The following MYO16 variants were observed in gnomAD, a reference collection of about 807,000 sequenced individuals.
The protein encoded by MYO16 is unconventional myosin-XVI.
MYO16 carries 94 observed loss-of-function variants against 205.3 expected under a neutral mutation model. That is an observed-to-expected ratio of 0.46 (90% CI 0.39 to 0.54). MYO16 has a LOEUF of 0.54. Ranked by LOEUF, MYO16 falls within the 20% of genes least tolerant of loss-of-function variation. The pLI, the probability that MYO16 is intolerant of heterozygous loss-of-function variation, is 0.00. For missense variants in MYO16, 2,315 were observed against 2,387.5 expected (o/e 0.97, Z 0.63); for synonymous variants, 988 against 954.0 (o/e 1.04, Z -0.66).
chr13:108,653,404 G>A (rs1019575992), intron 1 of MYO16, among the ~76,000 whole-genome samples: 12 of 151,952 alleles, frequency 7.9e-5, no homozygotes, highest in African/African-American at 2.4e-4. Flanking sequence ...AGTCTCATTC[G>A]TCTATTTTTG....
chr13:108,977,523 T>A (rs916249594), intron 20 of MYO16, among the ~76,000 whole-genome samples: 20 of 152,312 alleles, frequency 1.3e-4, no homozygotes, highest in African/African-American at 4.8e-4. Flanking sequence ...TGCAATCATA[T>A]ACCATGCTCC....
Position 109,055,736 on chromosome 13 carries a change from C to T in MYO16, c.3335+141C>T. On this transcript the variant is annotated intron_variant, in intron 27 of 34. Transcript: ENST00000457511. The surrounding 1 kb of genome is among the most constrained non-coding windows in gnomAD (Gnocchi z 5.0). ...TTTACTTTTTTCTATCTCCAATAAACAAAATATTCTGGGAAACAATGAAAT... is the reference window on the plus strand; with the variant it reads ...TTTACTTTTTTCTATCTCCAATAAATAAAATATTCTGGGAAACAATGAAAT... 2 of 686,174 alleles carry T rather than the reference C, an allele frequency of 2.9e-6. No homozygotes were observed. Among genetic ancestry groups the T allele is most frequent in the East Asian group, 2.6e-5 (1 of 38,676 alleles). 42.5% of individuals were successfully genotyped at this position (686,174 alleles called of 1,614,324 possible).
chr13:108,812,275 G>T (rs1229599042), intron 7 of MYO16, among the ~76,000 whole-genome samples: 1 of 152,160 alleles, frequency 6.6e-6, no homozygotes, highest in Admixed American at 6.5e-5. Flanking sequence ...TGCGGTAGTT[G>T]TCAGTTCATT....
chr13:109,018,672 G>A (rs147146579), intron 22 of MYO16, among the ~76,000 whole-genome samples: 99 of 152,290 alleles, frequency 6.5e-4, no homozygotes, highest in African/African-American at 2.3e-3. Flanking sequence ...TAAGACCGTT[G>A]GAAAAGCACA....
At chr13:108,854,709 T>C (rs1015518878) in intron 10 of MYO16, among the ~76,000 whole-genome samples, 6 of 152,200 alleles carry the variant, frequency 3.9e-5, no homozygotes, top group African/African-American at 1.2e-4. Flanking sequence ...ACTACTTTTC[T>C]GAGCATGTTC....
chr13:108,837,636 A>C (rs996089013), intron 9 of MYO16, among the ~76,000 whole-genome samples: 1 of 152,202 alleles, frequency 6.6e-6, no homozygotes, highest in Admixed American at 6.5e-5. Flanking sequence ...TTAAAGGTTC[A>C]GGTGGTAGCC....
chr13:109,079,963 C>T (rs1487018692), intron 27 of MYO16, among the ~76,000 whole-genome samples: 1 of 151,208 alleles, frequency 6.6e-6, no homozygotes, highest in Non-Finnish European at 1.5e-5. Context: ...GCAACCTCCA[C>T]CTCCCGGGTT....
At chr13:108,530,121 T>C in the MYO16 span, among the ~76,000 whole-genome samples, 64 of 152,302 alleles carry the variant, frequency 4.2e-4, no homozygotes, top group African/African-American at 1.5e-3. Flanking sequence ...GCTCAGACTT[T>C]CTAGACACTT....
chr13:108,686,428 T>G (rs1334578754), intron 2 of MYO16, among the ~76,000 whole-genome samples: 4 of 152,250 alleles, frequency 2.6e-5, no homozygotes, highest in Non-Finnish European at 5.9e-5. Context: ...CTGTAATATT[T>G]ACACTGAGAA....
intron 6 of MYO16, among the ~76,000 whole-genome samples, chr13:108,802,916 G>T (rs576301676): frequency 2.5e-3 from 374 of 152,182 alleles, no homozygotes; most frequent in African/African-American, 8.6e-3. Context: ...TTTAAATTGG[G>T]TTATTTGTTT....
At chr13:109,009,934 A>G (rs1340165025) in intron 22 of MYO16, among the ~76,000 whole-genome samples, 2 of 152,312 alleles carry the variant, frequency 1.3e-5, no homozygotes, top group Middle Eastern at 3.4e-3. Context: ...AACCGGCAGG[A>G]CTGTATACTT....
intron 4 of MYO16, among the ~76,000 whole-genome samples, chr13:108,742,779 G>A (rs1000689720): frequency 3.3e-5 from 5 of 152,176 alleles, no homozygotes; most frequent in African/African-American, 1.2e-4. Context: ...AATCAATGCA[G>A]CTATGCCCTG....
intron 16 of MYO16, among the ~76,000 whole-genome samples, chr13:108,953,631 A>G (rs903356032): frequency 2.7e-5 from 4 of 150,590 alleles, no homozygotes; most frequent in African/African-American, 9.8e-5. Context: ...CTTGGTTTCC[A>G]TATTTTACCA....
chr13:108,584,257 T>C, the MYO16 span, among the ~76,000 whole-genome samples: 36,960 of 152,092 alleles, frequency 0.24, 4,800 homozygotes, highest in Middle Eastern at 0.29. Flanking sequence ...CAGCCTAAAG[T>C]AGTCTTTGAA....
At chr13:108,759,660 A>C (rs1254840732) in intron 4 of MYO16, among the ~76,000 whole-genome samples, 1 of 151,970 alleles carries the variant, frequency 6.6e-6, no homozygotes, top group Non-Finnish European at 1.5e-5. Context: ...TCTCTACTAA[A>C]AATACAAAAA....
intron 16 of MYO16, among the ~76,000 whole-genome samples, chr13:108,927,848 G>T (rs113315729): frequency 1.3e-5 from 2 of 152,194 alleles, no homozygotes; most frequent in Admixed American, 6.5e-5. Context: ...TCTGCACTCC[G>T]GAGTGCCCGA....
intron 33 of MYO16, among the ~76,000 whole-genome samples, chr13:109,175,073 A>G (rs1397105167): frequency 6.6e-6 from 1 of 152,006 alleles, no homozygotes; most frequent in Non-Finnish European, 1.5e-5. Context: ...TTTTATAAGA[A>G]TTTACATGAA....
chr13:108,846,121 A>G (rs1877507119), intron 10 of MYO16, among the ~76,000 whole-genome samples: 1 of 152,212 alleles, frequency 6.6e-6, no homozygotes, highest in African/African-American at 2.4e-5. Flanking sequence ...ATTTCTGGTT[A>G]TGATTTAATA....
rs1298768301 is a variant in MYO16 at position 109,141,227 on chromosome 13, C to G, written c.5015C>G (p.Ala1672Gly). 1.2e-6 allele frequency: 2 copies of G among 1,606,886 alleles called. No homozygotes were observed. The change falls in exon 32 of 35, where the codon GCC becomes GGC. Residue 1672 changes from alanine to glycine, a missense_variant. This residue lies in a region of MYO16 where 1,097 missense variants were observed against 1,092.0 expected (regional missense o/e 1.00). Transcript: ENST00000457511. The surrounding 1 kb of genome is among the most constrained non-coding windows in gnomAD (Gnocchi z 4.1). ...VKATRADARK[A>G]GSSASPPAPY... ...GCCACCAGGGCGGACGCCAGGAAGG[C>G]CGGCTCCAGTGCCTCGCCCCCCGCG...
Sources: allele counts gnomAD v4.1 joint callset (sites outside exome capture counted in the v4.1 genomes callset), GRCh38; gene constraint gnomAD v4.1.1; regional missense constraint gnomAD v4.1.1; non-coding constraint Gnocchi (gnomAD v3.1); transcripts MANE v1.5; gene names NCBI Gene and HGNC (gene_info 2026-07-23, HGNC 2026-07-21).